Variants in CDH13 observed in about 807,000 individuals in gnomAD.
CDH13 encodes cadherin-13.
A neutral mutation model predicts 63.8 loss-of-function variants in CDH13; 24 were observed. That is an observed-to-expected ratio of 0.38 (90% confidence interval 0.27 to 0.53). The LOEUF (loss-of-function observed/expected upper bound fraction) is 0.53, where lower values mean the gene tolerates loss of function less well. Among genes scored for constraint, CDH13 ranks in the 20% least tolerant of loss-of-function variants. The probability of loss-of-function intolerance (pLI) is 0.85; values close to 1 mark genes in which losing one functional copy is unlikely to be tolerated. For synonymous variants in CDH13, 503 were observed against 355.3 expected (o/e 1.42, Z -4.67); for missense variants, 1,049 against 903.1 (o/e 1.16, Z -2.07).
intron 1 of CDH13, among the ~76,000 whole-genome samples, chr16:82,819,457 A>G (rs2037891473): frequency 6.6e-6 from 1 of 152,158 alleles, no homozygotes; most frequent in African/African-American, 2.4e-5. Flanking sequence ...GAAGCTTCTA[A>G]GCTGCCTGTC....
At chr16:82,932,383 C>A (rs2151296864) in intron 2 of CDH13, among the ~76,000 whole-genome samples, 1 of 152,286 alleles carries the variant, frequency 6.6e-6, no homozygotes, top group East Asian at 1.9e-4. Context: ...GCAACAACCG[C>A]TGAAGAGGTA....
chr16:83,478,768 C>T (rs1476329149), intron 6 of CDH13, among the ~76,000 whole-genome samples: 2 of 149,366 alleles, frequency 1.3e-5, no homozygotes, highest in African/African-American at 2.5e-5. Context: ...ATTTCTTTAA[C>T]AGTCTTCACA....
rs1022155344 is a variant in CDH13 at position 83,796,827 on chromosome 16, T to C, written c.*1797T>C. ...AGGGTGTCATAATCAGCTATAAAGG[T>C]AATTGCATACTCAAAGATGAGACGG... On this transcript the variant is annotated 3_prime_UTR_variant, in exon 14 of 14. Coordinates refer to ENST00000567109, the MANE Select transcript of CDH13 (RefSeq NM_001257.5). The C allele has an allele frequency of 6.6e-6, 1 of 152,162 alleles. No homozygotes were observed. The highest frequency in any genetic ancestry group is 2.4e-5 in the African/African-American group (1 of 41,424). The allele number at this position is 152,162 out of a possible 1,614,324, so 9.4% of individuals were successfully genotyped here.
intron 1 of CDH13, among the ~76,000 whole-genome samples, chr16:82,772,970 T>C (rs1186027576): frequency 6.6e-6 from 1 of 152,168 alleles, no homozygotes; most frequent in Non-Finnish European, 1.5e-5. Flanking sequence ...CTTAACCATC[T>C]GGTTATCAGG....
At chr16:83,101,506 G>C (rs1290974521) in intron 3 of CDH13, among the ~76,000 whole-genome samples, 1 of 151,796 alleles carries the variant, frequency 6.6e-6, no homozygotes, top group Non-Finnish European at 1.5e-5. Context: ...GAAATACTGG[G>C]TAGAGGCTGG....
intron 3 of CDH13, among the ~76,000 whole-genome samples, chr16:83,101,036 A>G (rs1002582654): frequency 7.2e-5 from 11 of 152,180 alleles, no homozygotes; most frequent in Non-Finnish European, 1.5e-4. Flanking sequence ...GTAAAGGACA[A>G]AAATTATTTG....
At chr16:82,807,591 G>A (rs886848205) in intron 1 of CDH13, among the ~76,000 whole-genome samples, 4 of 152,038 alleles carry the variant, frequency 2.6e-5, no homozygotes, top group African/African-American at 9.7e-5. Flanking sequence ...AAGGACCCCT[G>A]GAAGTGCAAC....
At chr16:83,629,006 G>A (rs945597320) in intron 8 of CDH13, among the ~76,000 whole-genome samples, 3 of 152,104 alleles carry the variant, frequency 2.0e-5, no homozygotes, top group Non-Finnish European at 2.9e-5. Flanking sequence ...TGTTGAATAC[G>A]TAAATTTTCA....
chr16:83,249,196 T>G (rs969741653), intron 5 of CDH13, among the ~76,000 whole-genome samples: 6 of 152,190 alleles, frequency 3.9e-5, no homozygotes, highest in Non-Finnish European at 8.8e-5. Flanking sequence ...GTTTCTCATA[T>G]TTATTGACCA....
intron 2 of CDH13, among the ~76,000 whole-genome samples, chr16:82,983,403 A>T (rs1350852140): frequency 1.3e-5 from 2 of 152,044 alleles, no homozygotes; most frequent in East Asian, 3.9e-4. Flanking sequence ...TCCTCAGGAG[A>T]TCTGAACTTA....
intron 4 of CDH13, among the ~76,000 whole-genome samples, chr16:83,131,851 T>C (rs1263228452): frequency 6.6e-6 from 1 of 152,222 alleles, no homozygotes. Flanking sequence ...AATATGTAAC[T>C]GGGCCAAGTG....
chr16:82,763,666 ATTTTAT>A (rs1402131753), intron 1 of CDH13, among the ~76,000 whole-genome samples: 2 of 152,066 alleles, frequency 1.3e-5, no homozygotes, highest in East Asian at 1.9e-4. Context: ...GAGCCTCTGG[ATTTTAT>A]TTTTATTTTT....
At chr16:83,326,638 T>C (rs1418338700) in intron 5 of CDH13, among the ~76,000 whole-genome samples, 3 of 152,120 alleles carry the variant, frequency 2.0e-5, no homozygotes, top group African/African-American at 7.2e-5. Flanking sequence ...CTGCACAATC[T>C]AGGTGGTGGG....
At chr16:82,697,149 A>C (rs1437832480) in intron 1 of CDH13, among the ~76,000 whole-genome samples, 1 of 152,232 alleles carries the variant, frequency 6.6e-6, no homozygotes, top group African/African-American at 2.4e-5. Context: ...ACTCAGAGGG[A>C]AGGGAATTAA....
chr16:82,875,768 A>G lies in CDH13; in HGVS notation c.157+17295A>G, dbSNP rs574283593. ...AGCATTCGAGAAACTAGCTATTTGCATGCAATTTAATAGTAAAGGAGTGTT... is the reference window on the plus strand; with the variant it reads ...AGCATTCGAGAAACTAGCTATTTGCGTGCAATTTAATAGTAAAGGAGTGTT... On this transcript the variant is annotated intron_variant, in intron 2 of 13. Coordinates refer to ENST00000567109, the MANE Select transcript of CDH13 (RefSeq NM_001257.5). 2.4e-4 allele frequency among the ~76,000 whole-genome samples: 36 copies of G among 152,360 alleles called. 1 individual carries two copies. In the South Asian group the frequency reaches 6.8e-3, roughly 29 times the overall value.
At chr16:83,114,656 A>T (rs573370202) in intron 3 of CDH13, among the ~76,000 whole-genome samples, 1 of 152,204 alleles carries the variant, frequency 6.6e-6, no homozygotes, top group Non-Finnish European at 1.5e-5. Context: ...TATTGGGAAA[A>T]TAGATACATG....
At chr16:82,901,123 C>G (rs1464413174) in intron 2 of CDH13, among the ~76,000 whole-genome samples, 1 of 148,316 alleles carries the variant, frequency 6.7e-6, no homozygotes, top group Non-Finnish European at 1.5e-5. Flanking sequence ...AGAGCATGAT[C>G]TCCTGGAATC....
chr16:83,158,094 C>A (rs920893925), intron 4 of CDH13, among the ~76,000 whole-genome samples: 4 of 152,028 alleles, frequency 2.6e-5, no homozygotes, highest in Admixed American at 2.0e-4. Flanking sequence ...GGTTCCCTGT[C>A]TCAGGCACTG....
At chr16:83,265,322 G>C (rs1357259703) in intron 5 of CDH13, among the ~76,000 whole-genome samples, 1 of 152,016 alleles carries the variant, frequency 6.6e-6, no homozygotes, top group Admixed American at 6.6e-5. Flanking sequence ...TTAACCTCTG[G>C]ATTATGTGTG....
Sources: allele counts gnomAD v4.1 joint callset (sites outside exome capture counted in the v4.1 genomes callset), GRCh38; gene constraint gnomAD v4.1.1; transcripts MANE v1.5; gene names NCBI Gene and HGNC (gene_info 2026-07-23, HGNC 2026-07-21).